The following NOTCH4 variants were observed in gnomAD, a reference collection of about 807,000 sequenced individuals.
NOTCH4 encodes the protein notch receptor 4, also known as neurogenic locus notch homolog protein 4.
A neutral mutation model predicts 189.0 loss-of-function variants in NOTCH4; 138 were observed. That is an observed-to-expected ratio of 0.73 (90% CI 0.64 to 0.84). The LOEUF is 0.84. Ranked by LOEUF, NOTCH4 falls within the 40% of genes least tolerant of loss-of-function variation. The probability of loss-of-function intolerance (pLI) is 0.00; values close to 1 mark genes in which losing one functional copy is unlikely to be tolerated. For synonymous variants in NOTCH4, 942 were observed against 1,032.8 expected (o/e 0.91, Z 1.69); for missense variants, 2,286 against 2,605.4 (o/e 0.88, Z 2.67).
Position 32,221,155 on chromosome 6 carries a change from C to T in NOTCH4, c.622G>A (p.Gly208Ser). The T allele has an allele frequency of 6.2e-7, 1 of 1,613,060 alleles. No homozygotes were observed. The highest frequency in any genetic ancestry group is 1.3e-5 in the African/African-American group (1 of 75,052). ...CFQDPGPCPK[G>S]TSCHNTLGSF... ...CCCAGGGTGTTATGGCAGGAGGTGCCTTTGGGGCAGGGTCCTGGGTCCTGG... is the reference window on the plus strand; with the variant it reads ...CCCAGGGTGTTATGGCAGGAGGTGCTTTTGGGGCAGGGTCCTGGGTCCTGG... Residue 208 changes from glycine to serine, a missense_variant, in exon 4 of 30, where the codon GGC becomes AGC. Coordinates refer to ENST00000375023, the MANE Select transcript of NOTCH4 (RefSeq NM_004557.4). The surrounding 1 kb of genome is among the most constrained non-coding windows in gnomAD (Gnocchi z 4.3).
chr6:32,211,095 C>T (rs1193703609), intron 17 of NOTCH4, among the ~76,000 whole-genome samples, 159 bp from the exon 18 acceptor site: 3 of 151,942 alleles, frequency 2.0e-5, no homozygotes, highest in African/African-American at 4.8e-5. Context: ...CCCGTCTCTA[C>T]TAAAAATACA....
Position 32,221,453 on chromosome 6 carries a change from CT to C in NOTCH4, c.452-129del. On this transcript the variant is annotated intron_variant, in intron 3 of 29. Transcript: ENST00000375023. This position sits in a 1 kb window ranked among gnomAD's most constrained non-coding sequence, Gnocchi z 4.3. ...ATATTTCCTTCCCTTTATTACCATACTTTCTTTGCTCTGTTCCATCACCCCT... is the reference window on the plus strand; with the variant it reads ...ATATTTCCTTCCCTTTATTACCATACTTCTTTGCTCTGTTCCATCACCCCT... 1.4e-6 allele frequency: 1 copy of C among 695,502 alleles called. No homozygotes were observed. The highest frequency in any genetic ancestry group is 2.4e-6 in the Non-Finnish European group (1 of 418,052). The allele number at this position is 695,502 out of a possible 1,614,324, so 43.1% of individuals were successfully genotyped here.
rs370183831 is a variant in NOTCH4, at chr6:32,198,179, A to G, written c.4756+242T>C. On this transcript the variant is annotated intron_variant, in intron 26 of 29. Transcript: ENST00000375023. The surrounding 1 kb of genome is among the most constrained non-coding windows in gnomAD (Gnocchi z 5.5). ...ATTCACCTGAAGGGCTTGTTAAAAC[A>G]GATTGCCTAACATTTTAAATTCCTG... 2.8e-4 allele frequency among the ~76,000 whole-genome samples: 43 copies of G among 152,356 alleles called. 2 individuals carry two copies. In the East Asian group the frequency reaches 4.2e-3, roughly 15 times the overall value.
chr6:32,198,547 C>G lies in NOTCH4; in HGVS notation c.4630G>C (p.Gly1544Arg). The change falls in exon 26 of 30, where the codon GGC becomes CGC. Residue 1544 changes from glycine (G) to arginine (R), a missense_variant. This residue lies in a region of NOTCH4 where 1,903 missense variants were observed against 2,261.9 expected (regional missense o/e 0.84). Coordinates refer to ENST00000375023, the MANE Select transcript of NOTCH4 (RefSeq NM_004557.4). The surrounding 1 kb of genome is among the most constrained non-coding windows in gnomAD (Gnocchi z 5.5). ...CAGAGCTGGCACGTGGAGGGTGGGCCTGTTTCTTCAGCCTTTGGGTAACAG... is the reference window on the plus strand; with the variant it reads ...CAGAGCTGGCACGTGGAGGGTGGGCGTGTTTCTTCAGCCTTTGGGTAACAG... ...GEEVGQAEET[G>R]PPSTCQLWSL... The G allele has an allele frequency of 1.2e-6, 2 of 1,612,804 alleles. No homozygotes were observed. The highest frequency in any genetic ancestry group is 1.7e-6 in the Non-Finnish European group (2 of 1,179,936).
At position 32,201,274 on chromosome 6, in the gene NOTCH4, A is replaced by C; in HGVS notation, c.3982T>G (p.Trp1328Gly). The change falls in exon 22 of 30, where the codon TGG becomes GGG. Residue 1328 changes from tryptophan to glycine, a missense_variant. Physicochemically the swap from Trp to Gly is radical, Grantham distance 184 (BLOSUM62 -2). Around this residue, in one of 2 missense-constraint regions of NOTCH4, gnomAD observed 1,903 missense variants for 2,261.9 expected, o/e 0.84. Transcript: ENST00000375023. The surrounding 1 kb of genome is among the most constrained non-coding windows in gnomAD (Gnocchi z 5.5). ...CTGCCATCACGATCCTTCCTTACCC[A>C]GAGTCCTACCCTCAGAGTCAGGGAC... ...VLSLTLRVGL[W>G]VRKDRDGRDM... 6.2e-7 allele frequency: 1 copy of C among 1,612,946 alleles called. No homozygotes were observed. The highest frequency in any genetic ancestry group is 8.5e-7 in the Non-Finnish European group (1 of 1,179,992).
Position 32,197,374 on chromosome 6 carries a change from G to C in NOTCH4, c.4977C>G (p.Asn1659Lys). The change falls in exon 27 of 30, where the codon AAC becomes AAG. Residue 1659 changes from asparagine (N) to lysine (K), a missense_variant. Transcript: ENST00000375023. ...GCCCTGCCCGGTCTGGCTGGTTGGG[G>C]TTGGCTCCAGCCTCAAGGAGGCGGC... ...AARRLLEAGA[N>K]PNQPDRAGRT... is the part of the protein sequence containing the mutation. 6.5e-7 allele frequency: 1 copy of C among 1,537,104 alleles called. No individual in the cohort carries two copies. Among genetic ancestry groups the C allele is most frequent in the Non-Finnish European group, 8.7e-7 (1 of 1,142,942 alleles).
At position 32,214,198 on chromosome 6, in the gene NOTCH4, C is replaced by T. The variant is rs987910442; in HGVS notation, c.2079G>A (p.Gly693=). The change falls in exon 13 of 30, where the codon GGG becomes GGA. Residue 693 remains glycine, a synonymous_variant. Transcript: ENST00000375023. ...WTGPECEAEL[G]GCISAPCAHG... is the part of the protein sequence containing the mutation. Reference sequence around the variant, plus strand: ...GGGCACAGGGTGCAGAGATGCAGCCCCCTAGCTCTGCCTCACACTCTGGCC... The same window carrying T: ...GGGCACAGGGTGCAGAGATGCAGCCTCCTAGCTCTGCCTCACACTCTGGCC... 1.9e-6 allele frequency: 3 copies of T among 1,613,640 alleles called. No individual in the cohort carries two copies. The African/African-American group carries it at 4.0e-5, about 22-fold the overall frequency.
rs3131290 is a variant in NOTCH4 at position 32,215,398 on chromosome 6, G to A, written c.1862-13C>T. The A allele has an allele frequency of 0.38, 603,423 of 1,590,220 alleles. 118,356 individuals carry two copies. The highest frequency in any genetic ancestry group is 0.46 in the Middle Eastern group (2,727 of 5,952). ...TCACAGAGCTGGCCTGGGGTGGGAA[G>A]ATGGGTCAAAAAGAAAACAGCTCCT... On this transcript the variant is annotated splice_polypyrimidine_tract_variant and intron_variant, in intron 11 of 29. Coordinates refer to ENST00000375023, the MANE Select transcript of NOTCH4 (RefSeq NM_004557.4).
At chr6:32,205,318 G>C (rs560545285) in intron 18 of NOTCH4, among the ~76,000 whole-genome samples, 43 of 151,894 alleles carry the variant, frequency 2.8e-4, no homozygotes, top group Non-Finnish European at 5.6e-4. Flanking sequence ...GGTAGGCTGA[G>C]GTGGGCAGAT....
In NOTCH4 at chr6:32,217,416, C is replaced by T; in HGVS notation, c.1625-150G>A. On this transcript the variant is annotated intron_variant, in intron 9 of 29. Coordinates refer to ENST00000375023, the MANE Select transcript of NOTCH4 (RefSeq NM_004557.4). This position sits in a 1 kb window ranked among gnomAD's most constrained non-coding sequence, Gnocchi z 4.2. ...GAGCGTGGGGTGACAGGAGATGATG[C>T]AGAAAAGGTGAAGCTCAGCCACCTG... 1.6e-6 allele frequency: 1 copy of T among 618,624 alleles called. No homozygotes were observed. The allele number at this position is 618,624 out of a possible 1,614,324, so 38.3% of individuals were successfully genotyped here.
intron 11 of NOTCH4, chr6:32,216,303 T>C (rs1444208032): frequency 6.5e-6 from 1 of 153,456 alleles, no homozygotes; most frequent in Non-Finnish European, 1.4e-5. Flanking sequence ...AATTTTTGTA[T>C]TTTTAATAGA....
chr6:32,210,069 G>A lies in NOTCH4; in HGVS notation c.2865+683C>T, dbSNP rs1367391282. ...CCAGCTTTGCCTCTCCTGGCTTAGTGACCTGGACCACAAAGAAGAGGCCCT... is the reference window on the plus strand; with the variant it reads ...CCAGCTTTGCCTCTCCTGGCTTAGTAACCTGGACCACAAAGAAGAGGCCCT... On this transcript the variant is annotated intron_variant, in intron 18 of 29. Coordinates refer to ENST00000375023, the MANE Select transcript of NOTCH4 (RefSeq NM_004557.4). This position sits in a 1 kb window ranked among gnomAD's most constrained non-coding sequence, Gnocchi z 4.8. Among the ~76,000 whole-genome samples, 4 of 152,154 alleles carry A rather than the reference G, an allele frequency of 2.6e-5. No homozygotes were observed. The highest frequency in any genetic ancestry group is 9.7e-5 in the African/African-American group (4 of 41,424).
chr6:32,197,405 G>A lies in NOTCH4; in HGVS notation c.4946C>T (p.Ala1649Val), dbSNP rs1226016903. The A allele has an allele frequency of 6.5e-7, 1 of 1,542,854 alleles. No individual in the cohort carries two copies. The highest frequency in any genetic ancestry group is 1.4e-5 in the African/African-American group (1 of 72,754). The part of the protein sequence containing the change: ...HLAARFSRPT[A>V]ARRLLEAGAN... ...TCCAGCCTCAAGGAGGCGGCGGGCA[G>A]CGGTTGGCCGGGAGAATCGGGCAGC... The change falls in exon 27 of 30, where the codon GCT (alanine) becomes GTT (valine). Residue 1649 changes from alanine to valine, a missense_variant. Physicochemically the swap from Ala to Val is moderately conservative, Grantham distance 64 (BLOSUM62 0). Around this residue, in one of 2 missense-constraint regions of NOTCH4, gnomAD observed 1,903 missense variants for 2,261.9 expected, o/e 0.84. Coordinates refer to ENST00000375023, the MANE Select transcript of NOTCH4 (RefSeq NM_004557.4).
In NOTCH4 at chr6:32,198,387, T is replaced by G; in HGVS notation, c.4756+34A>C. The G allele has an allele frequency of 6.3e-7, 1 of 1,576,758 alleles. No homozygotes were observed. The highest frequency in any genetic ancestry group is 1.2e-5 in the South Asian group (1 of 85,402). ...GATTCTAATAGGGTCAAAGGACTTT[T>G]TTTTTTTTTCTTGGTCTGGGTTGAC... is the stretch of plus-strand genomic sequence containing the variant. On this transcript the variant is annotated intron_variant, in intron 26 of 29. Coordinates refer to ENST00000375023, the MANE Select transcript of NOTCH4 (RefSeq NM_004557.4). This position sits in a 1 kb window ranked among gnomAD's most constrained non-coding sequence, Gnocchi z 5.5.
intron 18 of NOTCH4, among the ~76,000 whole-genome samples, chr6:32,206,030 C>G (rs1283184126): frequency 6.7e-6 from 1 of 149,596 alleles, no homozygotes; most frequent in Non-Finnish European, 1.5e-5. Context: ...GAGCAAGACT[C>G]TGTCTCAAAA....
At position 32,221,129 on chromosome 6, in the gene NOTCH4, G is replaced by A. The variant is rs1459914528; in HGVS notation, c.648C>T (p.Gly216=). 6 of 1,613,156 alleles carry A rather than the reference G, an allele frequency of 3.7e-6. No individual in the cohort carries two copies. Among genetic ancestry groups the A allele is most frequent in the Admixed American group, 1.7e-5 (1 of 60,034 alleles). ...PKGTSCHNTL[G]SFQCLCPVGQ... ...CCACAGGGCAGAGGCACTGGAAGGA[G>A]CCCAGGGTGTTATGGCAGGAGGTGC... The change falls in exon 4 of 30, where the codon GGC becomes GGT. Residue 216 remains glycine, a synonymous_variant. Transcript: ENST00000375023. This position sits in a 1 kb window ranked among gnomAD's most constrained non-coding sequence, Gnocchi z 4.3.
rs892005432 is a variant in NOTCH4 at position 32,216,982 on chromosome 6, T to C, written c.1824A>G (p.Pro608=). ...CPVGASCLDL[P]GAFFCLCPSG... ...AGGGGCAGAGGCAAAAGAAGGCTCC[T>C]GGAAGATCAAGGCAGCTGGCTCCAA... The change falls in exon 11 of 30, where the codon CCA becomes CCG. Residue 608 remains proline (P), a synonymous_variant. Coordinates refer to ENST00000375023, the MANE Select transcript of NOTCH4 (RefSeq NM_004557.4). 2 of 1,613,116 alleles carry C rather than the reference T, an allele frequency of 1.2e-6. No homozygotes were observed. The highest frequency in any genetic ancestry group is 1.3e-5 in the African/African-American group (1 of 75,062).
rs8192565 is a variant in NOTCH4, at chr6:32,223,830, C to T, written c.73+26G>A. 140,015 of 1,587,900 alleles carry T rather than the reference C, an allele frequency of 0.088. 7,103 individuals are homozygous for T. Among genetic ancestry groups the T allele is most frequent in the Middle Eastern group, 0.12 (709 of 5,934 alleles). On this transcript the variant is annotated intron_variant, in intron 1 of 29. Coordinates refer to ENST00000375023, the MANE Select transcript of NOTCH4 (RefSeq NM_004557.4). ...CATCCTCCTAAGGGAGCTGGGTCCC[C>T]TCACCTCACCCACGCCATGCCTCAC...
chr6:32,219,529 A>G, intron 8 of NOTCH4, 63 bp downstream of exon 8: 4 of 1,449,694 alleles, frequency 2.8e-6, no homozygotes, highest in Non-Finnish European at 3.8e-6. Flanking sequence ...TGGAGGGGGC[A>G]TTCCTAGTGG....
Sources: allele counts gnomAD v4.1 joint callset (sites outside exome capture counted in the v4.1 genomes callset), GRCh38; gene constraint gnomAD v4.1.1; regional missense constraint gnomAD v4.1.1; non-coding constraint Gnocchi (gnomAD v3.1); transcripts MANE v1.5; gene names NCBI Gene and HGNC (gene_info 2026-07-23, HGNC 2026-07-21).